CEP70: variants seen among roughly 807,000 people sequenced by gnomAD.
CEP70 encodes centrosomal protein of 70 kDa.
A neutral mutation model predicts 90.9 loss-of-function variants in CEP70; 70 were observed. The ratio of observed to expected loss-of-function variants is 0.77; its 90% CI spans 0.64 to 0.94. The LOEUF is 0.94. Ranked by LOEUF, CEP70 falls within the 40% of genes least tolerant of loss-of-function variation. The pLI, the probability that CEP70 is intolerant of heterozygous loss-of-function variation, is 0.00. For synonymous variants in CEP70, 220 were observed against 228.3 expected, an observed-to-expected ratio of 0.96 and a Z score of 0.33; for missense variants, 648 against 669.0, an observed-to-expected ratio of 0.97 and a Z score of 0.35.
rs1576897231 is a variant in CEP70, at chr3:138,572,753, A to C, written c.69+106T>G. On this transcript the variant is annotated intron_variant, in intron 3 of 17. Coordinates refer to ENST00000264982, the MANE Select transcript of CEP70 (RefSeq NM_024491.4). The stretch of plus-strand genomic sequence containing the variant: ...AGTCTTTAACCCAGCATTTCCTAAA[A>C]TTATTTGAGAAAGAATCCTTTTAAA... The C allele has an allele frequency of 1.0e-5, 8 of 794,544 alleles. No homozygotes were observed. The East Asian group carries it at 2.0e-4, about 19-fold the overall frequency. 49.2% of individuals were successfully genotyped at this position (794,544 alleles called of 1,614,324 possible).
At chr3:138,512,699 A>G (rs1463456873) in intron 11 of CEP70, among the ~76,000 whole-genome samples, 1 of 152,158 alleles carries the variant, frequency 6.6e-6, no homozygotes, top group African/African-American at 2.4e-5. Context: ...ATGCTGTTTT[A>G]TCTATTTTGT....
intron 3 of CEP70, 119 bp from the exon 4 acceptor site, chr3:138,571,475 A>G (rs2108153735): frequency 1.5e-6 from 1 of 676,828 alleles, no homozygotes; most frequent in East Asian, 2.7e-5. Context: ...TTAAGTATAA[A>G]TGTTTATGCA....
At chr3:138,558,962 A>C (rs1316482661) in intron 6 of CEP70, among the ~76,000 whole-genome samples, 1 of 152,236 alleles carries the variant, frequency 6.6e-6, no homozygotes, top group Non-Finnish European at 1.5e-5. Context: ...TAACCATTTT[A>C]AAGTGAGCAA....
intron 11 of CEP70, among the ~76,000 whole-genome samples, chr3:138,522,127 C>T (rs2036716946): frequency 6.6e-6 from 1 of 152,046 alleles, no homozygotes; most frequent in Admixed American, 6.5e-5. Flanking sequence ...TTCAAGTACC[C>T]ATGGACGCAA....
At position 138,583,863 on chromosome 3, in the gene CEP70, TAAAC is replaced by T. The variant is rs1410081798; in HGVS notation, c.-6+7987_-6+7990del. On this transcript the variant is annotated intron_variant, in intron 2 of 17. Coordinates refer to ENST00000264982, the MANE Select transcript of CEP70 (RefSeq NM_024491.4). ...CCTACATGAAAAGAAAAACTTCAAA[TAAAC>T]AACCTAATGAACTAGAACTAGAAAA... Among the ~76,000 whole-genome samples, 15 of 151,826 alleles carry T rather than the reference TAAAC, an allele frequency of 9.9e-5. No homozygotes were observed. The South Asian group carries it at 2.7e-3, about 27-fold the overall frequency.
At chr3:138,593,663 C>A (rs1232991255) in intron 1 of CEP70, 3 of 152,188 alleles carry the variant, frequency 2.0e-5, no homozygotes, top group Admixed American at 6.5e-5. Context: ...TCAGAGGTCT[C>A]CTGAATCCGG....
rs1408168935 is a variant in CEP70 at position 138,509,229 on chromosome 3, C to T, written c.945-685G>A. On this transcript the variant is annotated intron_variant, in intron 11 of 17. Coordinates refer to ENST00000264982, the MANE Select transcript of CEP70 (RefSeq NM_024491.4). ...ATGGAAGCGACTTCCATCCAACGTG[C>T]TCCAAGATCACAGACTACAGATAAA... is the stretch of plus-strand genomic sequence containing the variant. 2.0e-5 allele frequency among the ~76,000 whole-genome samples: 3 copies of T among 152,154 alleles called. No individual in the cohort carries two copies. In the East Asian group the frequency reaches 5.8e-4, roughly 29 times the overall value.
intron 6 of CEP70, among the ~76,000 whole-genome samples, chr3:138,545,901 T>C (rs1274790458): frequency 3.9e-5 from 6 of 152,174 alleles, no homozygotes; most frequent in Non-Finnish European, 7.3e-5. Context: ...CTGTTTTCTG[T>C]TGTTTAAGAT....
rs2107966093 is a variant in CEP70, at chr3:138,552,493, A to G, written c.466-15146T>C. On this transcript the variant is annotated intron_variant, in intron 6 of 17. Transcript: ENST00000264982. ...CAATTACTCTCTCAGACCACAGTGG[A>G]ATAAAACTGAAAATCAACTCCAAAA... 2.0e-5 allele frequency among the ~76,000 whole-genome samples: 3 copies of G among 152,314 alleles called. No homozygotes were observed. In the East Asian group the frequency reaches 5.8e-4, roughly 29 times the overall value.
In CEP70 at chr3:138,494,762, A is replaced by G; in HGVS notation, c.*253T>C. ...AAACTCCACTCTAAAACAACCTTAA[A>G]TTTTAAGCACTCAATAATTGCTTTA... On this transcript the variant is annotated 3_prime_UTR_variant, in exon 18 of 18. Transcript: ENST00000264982. The G allele has an allele frequency of 3.6e-6, 1 of 277,766 alleles. No homozygotes were observed. Among genetic ancestry groups the G allele is most frequent in the African/African-American group, 2.3e-5 (1 of 44,412 alleles). The allele number at this position is 277,766 out of a possible 1,614,324, so 17.2% of individuals were successfully genotyped here. A position where few individuals can be genotyped will look rare whatever the true frequency, so the allele number is the denominator to read the frequency against.
chr3:138,586,895 TATG>T (rs2042129317), intron 2 of CEP70, among the ~76,000 whole-genome samples: 2 of 152,238 alleles, frequency 1.3e-5, no homozygotes, highest in South Asian at 2.1e-4. Flanking sequence ...TTTACCCTGA[TATG>T]ATTATTATAT....
intron 10 of CEP70, among the ~76,000 whole-genome samples, chr3:138,527,694 CAAAAA>C (rs34863399): frequency 5.9e-5 from 7 of 117,800 alleles, no homozygotes; most frequent in Middle Eastern, 8.8e-3. Context: ...GACTCCGTCT[CAAAAA>C]AAAAAAAAAA....
At chr3:138,593,861 G>A (rs1381040464) in intron 1 of CEP70, 3 of 152,188 alleles carry the variant, frequency 2.0e-5, no homozygotes, top group African/African-American at 4.8e-5. Context: ...TGTGCCCGAC[G>A]TGATTCTAAG....
chr3:138,504,420 C>G (rs2034795410), intron 13 of CEP70, among the ~76,000 whole-genome samples: 1 of 152,178 alleles, frequency 6.6e-6, no homozygotes, highest in Non-Finnish European at 1.5e-5. Flanking sequence ...ACTCATTCAT[C>G]AGGAGGATCT....
intron 13 of CEP70, 99 bp downstream of exon 13, chr3:138,505,196 T>G (rs1361971762): frequency 3.1e-6 from 3 of 975,908 alleles, no homozygotes; most frequent in Non-Finnish European, 4.3e-6. Context: ...ACAAAAAAAT[T>G]AAACCCTATT....
At chr3:138,505,738 T>C (rs1340105354) in intron 12 of CEP70, among the ~76,000 whole-genome samples, 3 of 152,122 alleles carry the variant, frequency 2.0e-5, no homozygotes, top group Non-Finnish European at 4.4e-5. Context: ...ATGTTTCAGT[T>C]TGAGTCTGAA....
At chr3:138,497,711 T>TGGGAAA (rs2034075683) in intron 17 of CEP70, 1 of 985,224 alleles carries the variant, frequency 1.0e-6, no homozygotes, top group Non-Finnish European at 1.2e-6. Flanking sequence ...AAGGACCTTC[T>TGGGAAA]AAGATCATAA....
intron 16 of CEP70, 55 bp from the exon 17 acceptor site, chr3:138,498,165 T>C (rs896610473): frequency 3.1e-6 from 4 of 1,284,662 alleles, no homozygotes; most frequent in Non-Finnish European, 4.5e-6. Flanking sequence ...TTCTTGCATC[T>C]GATTGCAAAC....
intron 2 of CEP70, among the ~76,000 whole-genome samples, chr3:138,583,903 C>A (rs918332834): frequency 6.6e-6 from 1 of 151,672 alleles, no homozygotes; most frequent in Non-Finnish European, 1.5e-5. Context: ...GCAGAGCAAA[C>A]CAAACTGAAA....
Sources: gnomAD v4.1 joint callset for allele counts (sites outside exome capture counted in the v4.1 genomes callset) on GRCh38, gnomAD v4.1.1 for gene constraint, MANE v1.5 for transcripts, NCBI Gene and HGNC (gene_info 2026-07-23, HGNC 2026-07-21) for gene names.